LPIN2: variants seen among roughly 807,000 people sequenced by gnomAD.
The protein encoded by LPIN2 is lipin 2.
Under a neutral mutation model 111.4 loss-of-function variants are expected in LPIN2, and 55 were observed. The observed-to-expected ratio is 0.49, with a 90% confidence interval of 0.40 to 0.62. The LOEUF (loss-of-function observed/expected upper bound fraction) is 0.62, where lower values mean the gene tolerates loss of function less well. Ranked by LOEUF, LPIN2 falls within the 20% of genes least tolerant of loss-of-function variation. The pLI is 0.00. For synonymous variants in LPIN2, 425 were observed against 414.0 expected, an observed-to-expected ratio of 1.03 and a Z score of -0.32; for missense variants, 992 against 1,112.1, an observed-to-expected ratio of 0.89 and a Z score of 1.54.
At chr18:2,950,168 C>G (rs2077512938) in intron 4 of LPIN2, 1 of 152,072 alleles carries the variant, frequency 6.6e-6, no homozygotes, top group Non-Finnish European at 1.5e-5. Context: ...AAAAGATTGG[C>G]AAATAAAACA....
intron 4 of LPIN2, chr18:2,945,977 T>C: frequency 7.1e-7 from 1 of 1,403,260 alleles, no homozygotes; most frequent in Non-Finnish European, 1.0e-6. Context: ...CAGTATTTCG[T>C]CCCCTCATGG....
chr18:2,977,326 A>C (rs2078036994), intron 1 of LPIN2: 1 of 152,212 alleles, frequency 6.6e-6, no homozygotes, highest in Admixed American at 6.5e-5. Context: ...TTTAAAGTAC[A>C]TACACAGGTA....
intron 1 of LPIN2, among the ~76,000 whole-genome samples, chr18:2,980,615 A>T (rs534483501): frequency 1.2e-4 from 18 of 152,188 alleles, no homozygotes; most frequent in Non-Finnish European, 1.9e-4. Flanking sequence ...AGAGGTGCCC[A>T]TGTCCTTTGA....
chr18:2,983,903 T>C (rs2078148701), intron 1 of LPIN2, among the ~76,000 whole-genome samples: 1 of 152,052 alleles, frequency 6.6e-6, no homozygotes, highest in Non-Finnish European at 1.5e-5. Flanking sequence ...CCCGAGACAA[T>C]CTTGAGAACA....
chr18:2,996,321 A>G (rs1365621103), intron 1 of LPIN2, among the ~76,000 whole-genome samples: 1 of 151,654 alleles, frequency 6.6e-6, no homozygotes, highest in African/African-American at 2.4e-5. Flanking sequence ...GCCTGGTGAC[A>G]GTGCAAGACT....
intron 1 of LPIN2, among the ~76,000 whole-genome samples, chr18:2,996,271 G>A (rs2078339752): frequency 6.6e-6 from 1 of 151,402 alleles, no homozygotes; most frequent in African/African-American, 2.4e-5. Context: ...ACCCGGGAGT[G>A]GGAGGTTGCA....
At position 2,925,161 on chromosome 18, in the gene LPIN2, G is replaced by C. The variant is rs922815056; in HGVS notation, c.1938+63C>G. ...GGGACGTGTGGACAGAAGAGGATGT[G>C]CATCAAATTAAACCATTACTAAAAT... is the stretch of plus-strand genomic sequence containing the variant. On this transcript the variant is annotated intron_variant, in intron 14 of 19. Coordinates refer to ENST00000677752, the MANE Select transcript of LPIN2 (RefSeq NM_001375808.2). The surrounding 1 kb of genome is among the most constrained non-coding windows in gnomAD (Gnocchi z 4.1). 6 of 1,584,876 alleles carry C rather than the reference G, an allele frequency of 3.8e-6. No individual in the cohort carries two copies. The African/African-American group carries it at 8.1e-5, about 21-fold the overall frequency.
chr18:2,928,362 TTA>T (rs1468766151), intron 11 of LPIN2, among the ~76,000 whole-genome samples: 1 of 152,188 alleles, frequency 6.6e-6, no homozygotes, highest in Non-Finnish European at 1.5e-5. Flanking sequence ...AAACTAGTAT[TTA>T]TGTCTAATAA....
chr18:2,988,098 A>G (rs2078214003), intron 1 of LPIN2, among the ~76,000 whole-genome samples: 1 of 150,486 alleles, frequency 6.6e-6, no homozygotes, highest in South Asian at 2.1e-4. Context: ...ACTTATCTGT[A>G]GCCTTAAATG....
chr18:2,978,639 A>C (rs1408024722), intron 1 of LPIN2, among the ~76,000 whole-genome samples: 2 of 152,248 alleles, frequency 1.3e-5, no homozygotes, highest in African/African-American at 4.8e-5. Flanking sequence ...AGTAAGAAGA[A>C]TCTGAATAAA....
At chr18:2,992,760 G>T (rs535002306) in intron 1 of LPIN2, among the ~76,000 whole-genome samples, 4 of 152,154 alleles carry the variant, frequency 2.6e-5, no homozygotes, top group African/African-American at 9.6e-5. Context: ...GAGGCGGGCA[G>T]ATCATGAGGT....
intron 1 of LPIN2, among the ~76,000 whole-genome samples, chr18:3,009,358 C>A (rs2143511855): frequency 6.6e-6 from 1 of 151,942 alleles, no homozygotes; most frequent in Admixed American, 6.6e-5. Context: ...GAGATCATGA[C>A]ACTGCACTCC....
intron 1 of LPIN2, among the ~76,000 whole-genome samples, chr18:2,986,184 A>G (rs2078182756): frequency 6.6e-6 from 1 of 152,274 alleles, no homozygotes; most frequent in African/African-American, 2.4e-5. Context: ...CGTTTTATTC[A>G]AAACCAAGAT....
rs1181612590 is a variant in LPIN2 at position 3,006,791 on chromosome 18, C to G, written c.-10+6296G>C. Among the ~76,000 whole-genome samples the G allele has an allele frequency of 3.3e-5, 5 of 150,734 alleles. No homozygotes were observed. The East Asian group carries it at 7.9e-4, about 24-fold the overall frequency. ...GGCGGAGCTTGCAGTGAGCAGAGAT[C>G]GCGCCGCTGCACTCCAGCCTGGGCG... is the stretch of plus-strand genomic sequence containing the variant. On this transcript the variant is annotated intron_variant, in intron 1 of 19. Transcript: ENST00000677752.
intron 3 of LPIN2, among the ~76,000 whole-genome samples, chr18:2,953,526 A>ACC: frequency 6.6e-6 from 1 of 152,220 alleles, no homozygotes; most frequent in African/African-American, 2.4e-5. Flanking sequence ...TTCATAAATC[A>ACC]TAGTGTTTCA....
At chr18:2,926,185 G>A (rs943215777) in intron 13 of LPIN2, among the ~76,000 whole-genome samples, 9 of 152,186 alleles carry the variant, frequency 5.9e-5, no homozygotes, top group African/African-American at 2.2e-4. Flanking sequence ...ATGGGGGGCG[G>A]TAAGGGGCAA....
At chr18:2,959,736 C>T (rs1017048552) in intron 2 of LPIN2, among the ~76,000 whole-genome samples, 6 of 152,166 alleles carry the variant, frequency 3.9e-5, no homozygotes, top group African/African-American at 1.4e-4. Context: ...GTCAACCAGC[C>T]TATGGTCTGT....
At chr18:2,972,867 A>G (rs1172703791) in intron 1 of LPIN2, among the ~76,000 whole-genome samples, 2 of 152,224 alleles carry the variant, frequency 1.3e-5, no homozygotes, top group Non-Finnish European at 2.9e-5. Context: ...TGATAATTTA[A>G]TTCTTGTCTG....
At chr18:2,927,904 G>T in intron 11 of LPIN2, 93 bp from the exon 12 acceptor site, 1 of 1,027,314 alleles carries the variant, frequency 9.7e-7, no homozygotes. Flanking sequence ...CCTTACTATG[G>T]AATGTGAGAA....
Sources: allele counts gnomAD v4.1 joint callset (sites outside exome capture counted in the v4.1 genomes callset), GRCh38; gene constraint gnomAD v4.1.1; non-coding constraint Gnocchi (gnomAD v3.1); transcripts MANE v1.5; gene names NCBI Gene and HGNC (gene_info 2026-07-23, HGNC 2026-07-21).